Variants in S1PR2 observed in about 807,000 individuals in gnomAD.
S1PR2 encodes the protein sphingosine 1-phosphate receptor 2.
A neutral mutation model predicts 16.1 loss-of-function variants in S1PR2; 9 were observed. The observed-to-expected ratio is 0.56, with a 90% CI of 0.34 to 0.98. S1PR2 has a LOEUF of 0.98. S1PR2 is among the 50% of genes least tolerant of loss of function. The pLI is 0.02. For missense variants in S1PR2, 361 were observed against 488.4 expected, an observed-to-expected ratio of 0.74 and a Z score of 2.46; for synonymous variants, 224 against 233.9, an observed-to-expected ratio of 0.96 and a Z score of 0.38.
At position 10,224,160 on chromosome 19, in the gene S1PR2, G is replaced by C; in HGVS notation, c.746C>G (p.Ala249Gly). The C allele has an allele frequency of 6.2e-7, 1 of 1,607,150 alleles. No homozygotes were observed. Among genetic ancestry groups the C allele is most frequent in the Non-Finnish European group, 8.5e-7 (1 of 1,180,004 alleles). Residue 249 changes from alanine to glycine, a missense_variant, in exon 2 of 2, where the codon GCC (alanine) becomes GGC (glycine). Coordinates refer to ENST00000646641, the MANE Select transcript of S1PR2 (RefSeq NM_004230.4). ...LGVFIVCWLP[A>G]FSILLLDYAC... ...ATAGTCCAGAAGGAGGATGCTGAAG[G>C]CGGGCAGCCAGCAGACGATAAAGAC...
chr19:10,230,679 T>C (rs1035107906), intron 1 of S1PR2, among the ~76,000 whole-genome samples: 3 of 152,318 alleles, frequency 2.0e-5, no homozygotes, highest in East Asian at 1.9e-4. Flanking sequence ...TCACTTTCTC[T>C]TTCCTTACAA....
intron 1 of S1PR2, among the ~76,000 whole-genome samples, chr19:10,225,460 G>A (rs918749644): frequency 2.8e-5 from 4 of 140,840 alleles, no homozygotes; most frequent in Admixed American, 7.8e-5. Context: ...GCTGCGGCAC[G>A]GTCTTGGCTC....
rs769701372 is a variant in S1PR2, at chr19:10,224,979, T to C, written c.-42-32A>G. On this transcript the variant is annotated intron_variant, in intron 1 of 1. Coordinates refer to ENST00000646641, the MANE Select transcript of S1PR2 (RefSeq NM_004230.4). The stretch of plus-strand genomic sequence containing the variant: ...AGAAGACAGACAGACAGACAGACAA[T>C]AGGTCAGAGCTGTGGCTGCTACCTG... 31 of 1,255,778 alleles carry C rather than the reference T, an allele frequency of 2.5e-5. No individual in the cohort carries two copies. The South Asian group carries it at 3.2e-4, about 13-fold the overall frequency. 77.8% of individuals were successfully genotyped at this position (1,255,778 alleles called of 1,614,324 possible).
chr19:10,224,647 C>T lies in S1PR2; in HGVS notation c.259G>A (p.Val87Ile), dbSNP rs759886451. 6 of 1,613,658 alleles carry T rather than the reference C, an allele frequency of 3.7e-6. No individual in the cohort carries two copies. The highest frequency in any genetic ancestry group is 1.1e-5 in the South Asian group (1 of 91,088). ...ASDLLAGVAF[V>I]ANTLLSGSVT... Reference sequence around the variant, plus strand: ...GAGCCAGAGAGCAAGGTATTGGCTACGAAGGCCACGCCTGCCAGTAGATCG... The same window carrying T: ...GAGCCAGAGAGCAAGGTATTGGCTATGAAGGCCACGCCTGCCAGTAGATCG... The change falls in exon 2 of 2, where the codon GTA becomes ATA. Residue 87 changes from valine (V) to isoleucine (I), a missense_variant. Transcript: ENST00000646641.
Position 10,223,801 on chromosome 19 carries a change from T to A in S1PR2, c.*43A>T. 12 of 1,501,004 alleles carry A rather than the reference T, an allele frequency of 8.0e-6. No homozygotes were observed. Among genetic ancestry groups the A allele is most frequent in the Non-Finnish European group, 1.1e-5 (12 of 1,122,056 alleles). The allele number at this position is 1,501,004 out of a possible 1,614,324, so 93.0% of individuals were successfully genotyped here. The stretch of plus-strand genomic sequence containing the variant: ...CTGGGGTCACCCAGTGGCCTCTCCA[T>A]GAACCCCTCTGCCCTGGCCTGGTTG... On this transcript the variant is annotated 3_prime_UTR_variant, in exon 2 of 2. Transcript: ENST00000646641.
chr19:10,230,942 C>A (rs1054682194), intron 1 of S1PR2, among the ~76,000 whole-genome samples: 1 of 152,204 alleles, frequency 6.6e-6, no homozygotes, highest in Non-Finnish European at 1.5e-5. Flanking sequence ...CAGTCGAAAG[C>A]GCTCGGATTC....
intron 1 of S1PR2, among the ~76,000 whole-genome samples, chr19:10,229,914 G>T (rs1370186283): frequency 6.6e-6 from 1 of 152,122 alleles, no homozygotes; most frequent in Non-Finnish European, 1.5e-5. Context: ...GAGCAAGTCA[G>T]TTATCAGCCC....
chr19:10,225,875 GCT>G (rs1361829525), intron 1 of S1PR2, among the ~76,000 whole-genome samples: 2 of 151,394 alleles, frequency 1.3e-5, no homozygotes, highest in South Asian at 4.2e-4. Flanking sequence ...ATAGGGTCTT[GCT>G]CTGTCACCCA....
chr19:10,225,744 G>T (rs961818069), intron 1 of S1PR2, among the ~76,000 whole-genome samples: 1 of 151,890 alleles, frequency 6.6e-6, no homozygotes, highest in Non-Finnish European at 1.5e-5. Context: ...TCACTGTGTT[G>T]TCCAGGCTGG....
At chr19:10,227,450 G>A (rs772563067) in intron 1 of S1PR2, among the ~76,000 whole-genome samples, 36 of 152,138 alleles carry the variant, frequency 2.4e-4, no homozygotes, top group Non-Finnish European at 3.1e-4. Context: ...GCTTGTGCAC[G>A]TCCCCGGGGA....
At position 10,224,255 on chromosome 19, in the gene S1PR2, G is replaced by T. The variant is rs1010837177; in HGVS notation, c.651C>A (p.Arg217=). Residue 217 remains arginine (R), a synonymous_variant, in exon 2 of 2, where the codon CGC becomes CGA. Coordinates refer to ENST00000646641, the MANE Select transcript of S1PR2 (RefSeq NM_004230.4). ...ALYVRIYCVV[R]SSHADMAAPQ... ...GGGCGGCCATGTCAGCGTGGCTTGA[G>T]CGGACCACGCAGTAGATGCGCACGT... 1 of 1,613,952 alleles carries T rather than the reference G, an allele frequency of 6.2e-7. No homozygotes were observed. Among genetic ancestry groups the T allele is most frequent in the African/African-American group, 1.3e-5 (1 of 75,082 alleles).
Position 10,224,654 on chromosome 19 carries a change from C to A in S1PR2, c.252G>T (p.Val84=). 6.2e-7 allele frequency: 1 copy of A among 1,613,916 alleles called. No individual in the cohort carries two copies. Among genetic ancestry groups the A allele is most frequent in the East Asian group, 2.2e-5 (1 of 44,888 alleles). The part of the protein sequence containing the change: ...NLAASDLLAG[V]AFVANTLLSG... The stretch of plus-strand genomic sequence containing the variant: ...AGAGCAAGGTATTGGCTACGAAGGC[C>A]ACGCCTGCCAGTAGATCGGAGGCGG... Residue 84 remains valine, a synonymous_variant, in exon 2 of 2, where the codon GTG becomes GTT. Coordinates refer to ENST00000646641, the MANE Select transcript of S1PR2 (RefSeq NM_004230.4).
chr19:10,226,869 G>A (rs963438540), intron 1 of S1PR2, among the ~76,000 whole-genome samples: 10 of 151,964 alleles, frequency 6.6e-5, no homozygotes, highest in Non-Finnish European at 1.5e-4. Flanking sequence ...GTGAAGGGGT[G>A]TGCAGCCCCG....
intron 1 of S1PR2, among the ~76,000 whole-genome samples, chr19:10,230,823 C>T (rs1599239065): frequency 1.3e-5 from 2 of 152,366 alleles, no homozygotes; most frequent in Admixed American, 6.5e-5. Flanking sequence ...GCGCGCACAT[C>T]CTTTTGCCCT....
At chr19:10,227,534 C>T (rs2039643289) in intron 1 of S1PR2, among the ~76,000 whole-genome samples, 1 of 152,232 alleles carries the variant, frequency 6.6e-6, no homozygotes, top group African/African-American at 2.4e-5. Context: ...CATCTTGATG[C>T]CCTCTGCACG....
rs529718719 is a variant in S1PR2 at position 10,222,369 on chromosome 19, CA to C, written c.*1474del. 830 of 152,260 alleles carry C rather than the reference CA, an allele frequency of 5.5e-3. 7 individuals are homozygous for C. Among genetic ancestry groups the C allele is most frequent in the Non-Finnish European group, 8.5e-3 (579 of 68,012 alleles). The allele number at this position is 152,260 out of a possible 1,614,324, so 9.4% of individuals were successfully genotyped here. On this transcript the variant is annotated 3_prime_UTR_variant, in exon 2 of 2. Coordinates refer to ENST00000646641, the MANE Select transcript of S1PR2 (RefSeq NM_004230.4). The stretch of plus-strand genomic sequence containing the variant: ...GCTCAAGGCTTCTCTCTGCCTTGCT[CA>C]GGAGACCTGGTACCTTAGCTGGGGC...
chr19:10,228,138 CAAA>C (rs141807915), intron 1 of S1PR2, among the ~76,000 whole-genome samples: 23,924 of 97,766 alleles, frequency 0.24, 2,635 homozygotes, highest in Admixed American at 0.32. Context: ...CCCCTCTACT[CAAA>C]AAAAAAAAAA....
chr19:10,223,593 G>A lies in S1PR2; in HGVS notation c.*251C>T, dbSNP rs1402703132. On this transcript the variant is annotated 3_prime_UTR_variant, in exon 2 of 2. Transcript: ENST00000646641. ...GGCTCTTCACAGGTCCCCTGCCCTG[G>A]CCTCCCCAGGATCCAGTTCTAAAGG... 1.3e-5 allele frequency: 6 copies of A among 458,930 alleles called. No individual in the cohort carries two copies. The highest frequency in any genetic ancestry group is 3.7e-5 in the Admixed American group (1 of 26,744). 28.4% of individuals were successfully genotyped at this position (458,930 alleles called of 1,614,324 possible).
chr19:10,223,714 T>C lies in S1PR2; in HGVS notation c.*130A>G. 1.2e-6 allele frequency: 1 copy of C among 856,250 alleles called. No individual in the cohort carries two copies. The highest frequency in any genetic ancestry group is 1.8e-6 in the Non-Finnish European group (1 of 562,222). 53.0% of individuals were successfully genotyped at this position (856,250 alleles called of 1,614,324 possible). ...ATCTGGCCTTTCCAGGTGTGAAATA[T>C]TTGCAACATCACCCAGGTCTGTGGG... On this transcript the variant is annotated 3_prime_UTR_variant, in exon 2 of 2. Transcript: ENST00000646641.
Sources: gnomAD v4.1 joint callset for allele counts (sites outside exome capture counted in the v4.1 genomes callset) on GRCh38, gnomAD v4.1.1 for gene constraint, MANE v1.5 for transcripts, NCBI Gene and HGNC (gene_info 2026-07-23, HGNC 2026-07-21) for gene names.